The following SLC19A1 variants were observed in gnomAD, a reference collection of about 807,000 sequenced individuals.
SLC19A1 encodes reduced folate transporter.
Under a neutral mutation model 35.3 loss-of-function variants are expected in SLC19A1, and 37 were observed. The observed-to-expected ratio is 1.05, with a 90% CI of 0.81 to 1.38. The LOEUF is 1.38. SLC19A1 is among the 40% of genes most tolerant of loss of function. The pLI is 0.00. For missense variants in SLC19A1, 831 were observed against 826.9 expected, an observed-to-expected ratio of 1.00 and a Z score of -0.06; for synonymous variants, 460 against 398.5, an observed-to-expected ratio of 1.15 and a Z score of -1.84.
At position 45,514,968 on chromosome 21, in the gene SLC19A1, C is replaced by G; in HGVS notation, c.*690G>C. On this transcript the variant is annotated 3_prime_UTR_variant, in exon 6 of 6. Coordinates refer to ENST00000311124, the MANE Select transcript of SLC19A1 (RefSeq NM_194255.4). ...GCACAAGTGTGGGAGCAGCTGAGGA[C>G]CCGCAGGTCAGGATGGACACACTTC... 1 of 1,487,186 alleles carries G rather than the reference C, an allele frequency of 6.7e-7. No homozygotes were observed. The highest frequency in any genetic ancestry group is 8.9e-7 in the Non-Finnish European group (1 of 1,122,054). The allele number at this position is 1,487,186 out of a possible 1,614,324, so 92.1% of individuals were successfully genotyped here.
At chr21:45,546,519 G>A (rs947742724), upstream of SLC19A1, among the ~76,000 whole-genome samples, 3 of 152,222 alleles carry the variant, frequency 2.0e-5, no homozygotes, top group Non-Finnish European at 2.9e-5. Flanking sequence ...TGGCCCAGCA[G>A]CAGAACACTG....
rs746105885 is a variant in SLC19A1 at position 45,525,887 on chromosome 21, G to A, written c.1223C>T (p.Thr408Ile). The change falls in exon 5 of 6, where the codon ACC becomes ATC. Residue 408 changes from threonine (T) to isoleucine (I), a missense_variant. Transcript: ENST00000311124. ...GAAAGTGATGATGGTCTTGACGATG[G>A]TGGCAAAGAACGTGTTGACCCCGAA... ...LVFGVNTFFA[T>I]IVKTIITFIV... The A allele has an allele frequency of 8.7e-6, 14 of 1,613,574 alleles. No individual in the cohort carries two copies. Among genetic ancestry groups the A allele is most frequent in the Non-Finnish European group, 1.1e-5 (13 of 1,179,962 alleles).
chr21:45,539,626 C>T lies in SLC19A1; in HGVS notation c.-49-1618G>A, dbSNP rs573723764. Among the ~76,000 whole-genome samples, 7 of 152,328 alleles carry T rather than the reference C, an allele frequency of 4.6e-5. No individual in the cohort carries two copies. In the East Asian group the frequency reaches 5.8e-4, roughly 13 times the overall value. On this transcript the variant is annotated intron_variant, in intron 1 of 5. Coordinates refer to ENST00000311124, the MANE Select transcript of SLC19A1 (RefSeq NM_194255.4). ...CTCAGGCTGGAAGTGCTCCCTGAACCGCCCCCAACCTGACACACAGGCTTA... is the reference window on the plus strand; with the variant it reads ...CTCAGGCTGGAAGTGCTCCCTGAACTGCCCCCAACCTGACACACAGGCTTA...
chr21:45,512,122 G>C, downstream of SLC19A1: 2 of 1,535,436 alleles, frequency 1.3e-6, no homozygotes, highest in South Asian at 1.2e-5. Context: ...TTTCCTGCCC[G>C]GGGAGCGGCC....
downstream of SLC19A1, chr21:45,509,389 GT>G: frequency 6.5e-7 from 1 of 1,543,426 alleles, no homozygotes; most frequent in Non-Finnish European, 8.7e-7. Flanking sequence ...GCCCCCCGTG[GT>G]GCAGCTGCAC....
At chr21:45,518,129 A>G (rs1179777399) in intron 5 of SLC19A1, among the ~76,000 whole-genome samples, 3 of 152,244 alleles carry the variant, frequency 2.0e-5, no homozygotes, top group Non-Finnish European at 4.4e-5. Context: ...AATAACAAAC[A>G]TGCTGGAAAC....
Position 45,515,829 on chromosome 21 carries a change from T to C in SLC19A1, c.1605A>G (p.Glu535=), listed in dbSNP as rs765126994. The part of the protein sequence containing the change: ...LAQAPAPQAA[E]FLSPVTTPSP... Reference sequence around the variant, plus strand: ...AAGGGGTTGTCACTGGGCTCAGGAATTCAGCTGCCTGCGGGGCCGGGGCCT... The same window carrying C: ...AAGGGGTTGTCACTGGGCTCAGGAACTCAGCTGCCTGCGGGGCCGGGGCCT... Residue 535 remains glutamate, a synonymous_variant, in exon 6 of 6, where the codon GAA becomes GAG. Coordinates refer to ENST00000311124, the MANE Select transcript of SLC19A1 (RefSeq NM_194255.4). The C allele has an allele frequency of 3.7e-6, 6 of 1,606,942 alleles. No homozygotes were observed. In the Admixed American group the frequency reaches 6.7e-5, roughly 18 times the overall value.
Position 45,525,818 on chromosome 21 carries a change from T to C in SLC19A1, c.1292A>G (p.Gln431Arg). 1 of 1,613,192 alleles carries C rather than the reference T, an allele frequency of 6.2e-7. No homozygotes were observed. The highest frequency in any genetic ancestry group is 8.5e-7 in the Non-Finnish European group (1 of 1,179,908). ...GACGCAGGCCTGAAATGGGCTCACC[T>C]GCTTGCGGACCGGGAGGCCCAGGCC... is the stretch of plus-strand genomic sequence containing the variant. ...VRGLGLPVRK[Q>R]FQLYSVYFLI... Residue 431 changes from glutamine to arginine, a missense_variant and splice_region_variant, in exon 5 of 6, where the codon CAG (glutamine) becomes CGG (arginine). Transcript: ENST00000311124.
Position 45,531,462 on chromosome 21 carries a change from C to T in SLC19A1, c.876G>A (p.Trp292Ter). ...TGTTGGTGGTGGGGTCCACCTCGTT[C>T]CACAGGATGTGCACGTAGTAGACCA... The part of the protein sequence containing the change: ...YLVVYYVHIL[W>*]NEVDPTTNSA... The change falls in exon 3 of 6, where the codon TGG (tryptophan) becomes TGA (stop). Residue 292 changes from tryptophan to a stop codon, truncating the protein, a stop_gained. Coordinates refer to ENST00000311124, the MANE Select transcript of SLC19A1 (RefSeq NM_194255.4). LOFTEE classifies it high-confidence loss of function. 1 of 1,612,488 alleles carries T rather than the reference C, an allele frequency of 6.2e-7. No individual in the cohort carries two copies.
intron 3 of SLC19A1, chr21:45,504,706 G>A: frequency 4.3e-6 from 3 of 703,450 alleles, no homozygotes; most frequent in Admixed American, 2.8e-5. Flanking sequence ...CCCCGTGTGG[G>A]GACGCAGCAG....
chr21:45,515,447 G>C lies in SLC19A1; in HGVS notation c.*211C>G. ...CCAGCAACAAAGCCCGCGGGGCACA[G>C]TGCAGGGACAGCATGGCCAGGCAGC... On this transcript the variant is annotated 3_prime_UTR_variant, in exon 6 of 6. Coordinates refer to ENST00000311124, the MANE Select transcript of SLC19A1 (RefSeq NM_194255.4). The C allele has an allele frequency of 6.8e-7, 1 of 1,472,426 alleles. No homozygotes were observed. Among genetic ancestry groups the C allele is most frequent in the African/African-American group, 1.4e-5 (1 of 70,836 alleles). The allele number at this position is 1,472,426 out of a possible 1,614,324, so 91.2% of individuals were successfully genotyped here. A position where few individuals can be genotyped will look rare whatever the true frequency, so the allele number is the denominator to read the frequency against.
intron 3 of SLC19A1, chr21:45,507,105 C>T (rs559269299): frequency 3.1e-6 from 1 of 325,454 alleles, no homozygotes; most frequent in African/African-American, 2.2e-5. Flanking sequence ...CTGCCGTGGA[C>T]TGGGAGGGCT....
chr21:45,504,869 T>C (rs928388012), intron 3 of SLC19A1, among the ~76,000 whole-genome samples: 1 of 151,914 alleles, frequency 6.6e-6, no homozygotes, highest in East Asian at 1.9e-4. Context: ...CCTGAAAGAC[T>C]CCAGAGAGCC....
intron 1 of SLC19A1, among the ~76,000 whole-genome samples, chr21:45,551,669 T>A (rs1239206217): frequency 6.6e-6 from 1 of 152,228 alleles, no homozygotes; most frequent in Non-Finnish European, 1.5e-5. Context: ...TTTGTGAAAT[T>A]GTTTTGAGCT....
At chr21:45,548,259 A>G (rs1478682950), upstream of SLC19A1, among the ~76,000 whole-genome samples, 1 of 152,192 alleles carries the variant, frequency 6.6e-6, no homozygotes. Context: ...TTTCACAAAC[A>G]CTAATTTGAG....
At chr21:45,525,092 G>A (rs1044797037) in intron 5 of SLC19A1, among the ~76,000 whole-genome samples, 2 of 152,200 alleles carry the variant, frequency 1.3e-5, no homozygotes, top group African/African-American at 4.8e-5. Flanking sequence ...GCCTTACCCT[G>A]AGCTCTGGAG....
Position 45,533,031 on chromosome 21 carries a change from T to C in SLC19A1, c.190-883A>G, listed in dbSNP as rs1290210171. On this transcript the variant is annotated intron_variant, in intron 2 of 5. Transcript: ENST00000311124. This position sits in a 1 kb window ranked among gnomAD's most constrained non-coding sequence, Gnocchi z 4.5. The stretch of plus-strand genomic sequence containing the variant: ...GGGCTGTGCACTCCCATCTCACACT[T>C]GTCCCCAGAGCAAGGTCTTTAAGGC... Among the ~76,000 whole-genome samples the C allele has an allele frequency of 6.6e-6, 1 of 152,170 alleles. No homozygotes were observed. Among genetic ancestry groups the C allele is most frequent in the African/African-American group, 2.4e-5 (1 of 41,450 alleles).
chr21:45,512,576 A>C lies in SLC19A1; in HGVS notation c.*3082T>G. On this transcript the variant is annotated 3_prime_UTR_variant, in exon 6 of 6. Transcript: ENST00000311124. The stretch of plus-strand genomic sequence containing the variant: ...AGGAAGCCAAAGAGTGTATTTTTTT[A>C]AAAGTTTAAAACAGAAGCCTGATGC... 1.5e-6 allele frequency: 1 copy of C among 659,984 alleles called. No homozygotes were observed. The highest frequency in any genetic ancestry group is 2.6e-6 in the Non-Finnish European group (1 of 388,004). The allele number at this position is 659,984 out of a possible 1,614,324, so 40.9% of individuals were successfully genotyped here.
chr21:45,507,537 G>C (rs2037290332), intron 3 of SLC19A1: 1 of 1,610,372 alleles, frequency 6.2e-7, no homozygotes. Flanking sequence ...GCAGGTCCTG[G>C]GTGACCCTGC....
Sources: allele counts gnomAD v4.1 joint callset (sites outside exome capture counted in the v4.1 genomes callset), GRCh38; gene constraint gnomAD v4.1.1; non-coding constraint Gnocchi (gnomAD v3.1); transcripts MANE v1.5; gene names NCBI Gene and HGNC (gene_info 2026-07-23, HGNC 2026-07-21).